MRPS6: variants seen among roughly 807,000 people sequenced by gnomAD.
MRPS6 encodes the protein small ribosomal subunit protein bS6m.
MRPS6 carries 6 observed loss-of-function variants against 13.1 expected under a neutral mutation model. The ratio of observed to expected loss-of-function variants is 0.46; its 90% CI spans 0.25 to 0.91. MRPS6 has a LOEUF of 0.91. MRPS6 is among the 40% of genes least tolerant of loss of function. The probability of loss-of-function intolerance (pLI) is 0.18; values close to 1 mark genes in which losing one functional copy is unlikely to be tolerated. For synonymous variants in MRPS6, 61 were observed against 56.5 expected (o/e 1.08, Z -0.36); for missense variants, 164 against 155.6 (o/e 1.05, Z -0.29).
chr21:34,125,462 A>T lies in MRPS6; in HGVS notation c.167A>T (p.Gln56Leu). 6.2e-7 allele frequency: 1 copy of T among 1,614,070 alleles called. No homozygotes were observed. The highest frequency in any genetic ancestry group is 8.5e-7 in the Non-Finnish European group (1 of 1,179,930). The change falls in exon 2 of 3, where the codon CAG (glutamine) becomes CTG (leucine). Residue 56 changes from glutamine (Q) to leucine (L), a missense_variant. Gln to Leu is a moderately radical substitution (Grantham distance 113, BLOSUM62 -2). Coordinates refer to ENST00000399312, the MANE Select transcript of MRPS6 (RefSeq NM_032476.4). ...ALPYRISAHS[Q>L]QHNRGGYFLV... ...CCTTATAGGATCTCTGCCCACAGTC[A>T]GCAGCACAACAGAGGCGGGTAAGTT...
chr21:34,126,432 A>G (rs1233245230), intron 2 of MRPS6, among the ~76,000 whole-genome samples: 7 of 152,196 alleles, frequency 4.6e-5, no homozygotes, highest in East Asian at 1.9e-4. Flanking sequence ...CCGTGCTGCA[A>G]ATTTCATCTT....
chr21:34,079,602 A>ATT (rs398036389), intron 1 of MRPS6, among the ~76,000 whole-genome samples: 731 of 43,654 alleles, frequency 0.017, 60 homozygotes, highest in African/African-American at 0.055. Flanking sequence ...GACCCAGCTA[A>ATT]TTTTTTTTTT....
At chr21:34,092,242 A>C (rs1978735338) in intron 1 of MRPS6, among the ~76,000 whole-genome samples, 1 of 152,212 alleles carries the variant, frequency 6.6e-6, no homozygotes. Context: ...ATATAGCTGC[A>C]TTGCATTATA....
intron 1 of MRPS6, chr21:34,097,227 C>T (rs1157968383): frequency 6.2e-7 from 1 of 1,613,978 alleles, no homozygotes; most frequent in Admixed American, 1.7e-5. Flanking sequence ...TCTCAGAGAC[C>T]TGATGGAAGA....
At chr21:34,098,788 GCTCTACAGAT>G in intron 1 of MRPS6, 1 of 1,000,220 alleles carries the variant, frequency 1.0e-6, no homozygotes, top group South Asian at 4.7e-5. Flanking sequence ...TTAGAGAAAA[GCTCTACAGAT>G]TACGTACTTC....
At chr21:34,119,460 G>A (rs950917856) in intron 1 of MRPS6, among the ~76,000 whole-genome samples, 2 of 152,234 alleles carry the variant, frequency 1.3e-5, no homozygotes, top group African/African-American at 4.8e-5. Flanking sequence ...TTAAGATTCA[G>A]CAAAGAATGG....
In MRPS6 at chr21:34,135,772, A is replaced by G. The variant is rs1219513095; in HGVS notation, c.186-6636A>G. On this transcript the variant is annotated intron_variant, in intron 2 of 2. Coordinates refer to ENST00000399312, the MANE Select transcript of MRPS6 (RefSeq NM_032476.4). ...GTGGATGAAATGGAAGGCATACTTG[A>G]TGATGCGCACAGTCATGAGCTTCTT... 6.1e-6 allele frequency: 3 copies of G among 489,042 alleles called. No individual in the cohort carries two copies. The Admixed American group carries it at 7.0e-5, about 11-fold the overall frequency. 30.3% of individuals were successfully genotyped at this position (489,042 alleles called of 1,614,324 possible).
chr21:34,103,238 GT>G, intron 1 of MRPS6: 4 of 998,600 alleles, frequency 4.0e-6, no homozygotes, highest in Non-Finnish European at 4.8e-6. Context: ...GACTCTGCTA[GT>G]TTGCACCTTT....
intron 1 of MRPS6, chr21:34,122,560 G>A (rs1253903020): frequency 6.6e-6 from 1 of 151,992 alleles, no homozygotes; most frequent in Non-Finnish European, 1.5e-5. Flanking sequence ...TACTTTATAA[G>A]CTCTTACTTC....
intron 2 of MRPS6, among the ~76,000 whole-genome samples, chr21:34,136,393 C>T (rs988995812): frequency 6.6e-6 from 1 of 152,204 alleles, no homozygotes; most frequent in South Asian, 2.1e-4. Context: ...GGTGATCTGC[C>T]TGCTTCGGCC....
rs907388840 is a variant in MRPS6 at position 34,131,746 on chromosome 21, G to A, written c.185+6266G>A. Among the ~76,000 whole-genome samples the A allele has an allele frequency of 2.0e-5, 3 of 152,310 alleles. No individual in the cohort carries two copies. The South Asian group carries it at 6.2e-4, about 32-fold the overall frequency. Reference sequence around the variant, plus strand: ...ATAGCTGTAAAAAGTCTCATTCTCAGTCCTTAGGTCATCTGTAGTTAGCAA... The same window carrying A: ...ATAGCTGTAAAAAGTCTCATTCTCAATCCTTAGGTCATCTGTAGTTAGCAA... On this transcript the variant is annotated intron_variant, in intron 2 of 2. Coordinates refer to ENST00000399312, the MANE Select transcript of MRPS6 (RefSeq NM_032476.4).
intron 2 of MRPS6, among the ~76,000 whole-genome samples, chr21:34,140,547 A>C (rs1393745452): frequency 1.3e-5 from 2 of 152,192 alleles, no homozygotes; most frequent in African/African-American, 4.8e-5. Context: ...TGTTGGGTAA[A>C]GGGTTCTATA....
At chr21:34,133,081 C>T (rs1315341820) in intron 2 of MRPS6, among the ~76,000 whole-genome samples, 1 of 152,202 alleles carries the variant, frequency 6.6e-6, no homozygotes, top group African/African-American at 2.4e-5. Flanking sequence ...CTTCCCTTTC[C>T]TCAATTGCCA....
At chr21:34,095,119 G>A in intron 1 of MRPS6, 2 of 1,531,404 alleles carry the variant, frequency 1.3e-6, no homozygotes, top group Non-Finnish European at 1.8e-6. Flanking sequence ...ATGGTTTACA[G>A]ACTTGGCTGG....
intron 2 of MRPS6, among the ~76,000 whole-genome samples, chr21:34,139,443 A>T (rs1046034130): frequency 6.6e-6 from 1 of 152,170 alleles, no homozygotes; most frequent in Non-Finnish European, 1.5e-5. Context: ...CTTTAATAAG[A>T]TATAGGGCTT....
intron 1 of MRPS6, chr21:34,097,248 T>A: frequency 6.2e-7 from 1 of 1,614,064 alleles, no homozygotes. Context: ...GGAGGCTGTT[T>A]GTTTACAGAT....
intron 1 of MRPS6, chr21:34,103,607 A>G (rs901428730): frequency 1.0e-6 from 1 of 1,000,110 alleles, no homozygotes; most frequent in African/African-American, 1.7e-5. Context: ...GTACCCACAC[A>G]TAGAAAGCAC....
chr21:34,077,095 A>G (rs1989350425), intron 1 of MRPS6, among the ~76,000 whole-genome samples: 1 of 152,086 alleles, frequency 6.6e-6, no homozygotes, highest in South Asian at 2.1e-4. Context: ...AGATGAGGAG[A>G]AGGGGTCATG....
At chr21:34,125,287 T>C in intron 1 of MRPS6, 54 bp from the exon 2 acceptor site, 2 of 1,594,576 alleles carry the variant, frequency 1.3e-6, no homozygotes, top group Non-Finnish European at 8.5e-7. Flanking sequence ...TTCTAGCTCT[T>C]ATATTAATTC....
Sources: gnomAD v4.1 joint callset for allele counts (sites outside exome capture counted in the v4.1 genomes callset) on GRCh38, gnomAD v4.1.1 for gene constraint, MANE v1.5 for transcripts, NCBI Gene and HGNC (gene_info 2026-07-23, HGNC 2026-07-21) for gene names.